The following MYCBP2 variants were observed in gnomAD, a reference collection of about 807,000 sequenced individuals.
MYCBP2 encodes the protein MYC binding protein 2, also known as E3 ubiquitin-protein ligase MYCBP2.
A neutral mutation model predicts 525.3 loss-of-function variants in MYCBP2; 120 were observed. The observed-to-expected ratio is 0.23, with a 90% CI of 0.20 to 0.27. The LOEUF is 0.27. MYCBP2 is among the 10% of genes least tolerant of loss of function. The pLI is 1.00. For missense variants in MYCBP2, 4,149 were observed against 5,657.1 expected (o/e 0.73, Z 8.55); for synonymous variants, 1,894 against 1,955.8 (o/e 0.97, Z 0.83).
intron 20 of MYCBP2, among the ~76,000 whole-genome samples, chr13:77,221,516 G>A (rs1484167310): frequency 6.6e-6 from 1 of 152,030 alleles, no homozygotes; most frequent in Non-Finnish European, 1.5e-5. Flanking sequence ...CTATAACATG[G>A]CCATGCTTTT....
intron 4 of MYCBP2, among the ~76,000 whole-genome samples, chr13:77,275,560 G>T (rs2075443462): frequency 6.6e-6 from 1 of 152,164 alleles, no homozygotes; most frequent in African/African-American, 2.4e-5. Context: ...GCAGCAGTGT[G>T]TACCTATAGT....
At chr13:77,056,242 T>C (rs1257864467) in intron 79 of MYCBP2, among the ~76,000 whole-genome samples, 1 of 151,708 alleles carries the variant, frequency 6.6e-6, no homozygotes, top group African/African-American at 2.4e-5. Flanking sequence ...ATGTATCTAT[T>C]AATATTTGTA....
At chr13:77,114,297 T>G (rs978558686) in intron 55 of MYCBP2, among the ~76,000 whole-genome samples, 1 of 152,098 alleles carries the variant, frequency 6.6e-6, no homozygotes, top group Non-Finnish European at 1.5e-5. Context: ...TTTTTCTATA[T>G]TTTCCTCAAA....
chr13:77,045,360 A>T lies in MYCBP2; in HGVS notation c.*18T>A. ...ATGAAGGCAATTTTTCTCTCTGTAGACAAAGGATCTGCGTGTTCTAAAAAG... is the reference window on the plus strand; with the variant it reads ...ATGAAGGCAATTTTTCTCTCTGTAGTCAAAGGATCTGCGTGTTCTAAAAAG... On this transcript the variant is annotated 3_prime_UTR_variant, in exon 83 of 83. Coordinates refer to ENST00000544440, the MANE Select transcript of MYCBP2 (RefSeq NM_015057.5). 1 of 1,590,124 alleles carries T rather than the reference A, an allele frequency of 6.3e-7. No homozygotes were observed. The highest frequency in any genetic ancestry group is 8.6e-7 in the Non-Finnish European group (1 of 1,160,008).
rs539303161 is a variant in MYCBP2, at chr13:77,195,166, G to C, written c.3844-922C>G. Among the ~76,000 whole-genome samples the C allele has an allele frequency of 2.0e-5, 3 of 152,226 alleles. 1 individual carries two copies. The highest frequency in any genetic ancestry group is 7.2e-5 in the African/African-American group (3 of 41,538). ...CTAAATTTTTAAATTATATGCTAAT[G>C]ACTTAGAAATCTTTCTCCAGCTCAG... is the stretch of plus-strand genomic sequence containing the variant. On this transcript the variant is annotated intron_variant, in intron 26 of 82. Transcript: ENST00000544440.
In MYCBP2 at chr13:77,181,772, T is replaced by C; in HGVS notation, c.4870A>G (p.Ser1624Gly). The part of the protein sequence containing the change: ...VLLRSIVKQV[S>G]TENDSTLVHR... ...ACTAGTGTTGAGTCGTTCTCTGTAC[T>C]AACTTGTTTAACAATTGATCGTAGT... The change falls in exon 33 of 83, where the codon AGT becomes GGT. Residue 1624 changes from serine (S) to glycine (G), a missense_variant. Ser to Gly is a moderately conservative substitution (Grantham distance 56, BLOSUM62 0). Coordinates refer to ENST00000544440, the MANE Select transcript of MYCBP2 (RefSeq NM_015057.5). 1 of 1,614,172 alleles carries C rather than the reference T, an allele frequency of 6.2e-7. No individual in the cohort carries two copies. The highest frequency in any genetic ancestry group is 8.5e-7 in the Non-Finnish European group (1 of 1,180,004).
intron 1 of MYCBP2, among the ~76,000 whole-genome samples, chr13:77,298,704 G>C (rs2078454123): frequency 6.6e-6 from 1 of 152,140 alleles, no homozygotes; most frequent in African/African-American, 2.4e-5. Flanking sequence ...AGTTATCCTT[G>C]GGATTATTTT....
At chr13:77,262,953 A>C (rs1294510678) in intron 10 of MYCBP2, among the ~76,000 whole-genome samples, 1 of 152,076 alleles carries the variant, frequency 6.6e-6, no homozygotes, top group African/African-American at 2.4e-5. Flanking sequence ...ATGAGATAAC[A>C]GTCAAAAAAG....
At chr13:77,273,878 T>C (rs924227500) in intron 4 of MYCBP2, among the ~76,000 whole-genome samples, 4 of 152,176 alleles carry the variant, frequency 2.6e-5, no homozygotes, top group African/African-American at 9.6e-5. Flanking sequence ...TTCAACTCCT[T>C]ATTTTTCTTA....
chr13:77,297,972 T>C (rs1470859264), intron 1 of MYCBP2, among the ~76,000 whole-genome samples: 3 of 152,176 alleles, frequency 2.0e-5, no homozygotes, highest in African/African-American at 7.2e-5. Flanking sequence ...GGAACCTAAC[T>C]CAACTTTTAA....
rs760009204 is a variant in MYCBP2, at chr13:77,146,252, A to G, written c.7132-35T>C. The G allele has an allele frequency of 1.0e-5, 15 of 1,432,960 alleles. No homozygotes were observed. The South Asian group carries it at 2.0e-4, about 19-fold the overall frequency. 88.8% of individuals were successfully genotyped at this position (1,432,960 alleles called of 1,614,324 possible). ...AGAGACCAGTCTGAACAATCGTAAA[A>G]TCATTTAAAAACATTCTCAATTAAC... On this transcript the variant is annotated intron_variant, in intron 47 of 82. Transcript: ENST00000544440.
chr13:77,072,071 G>A (rs753813040), intron 68 of MYCBP2, among the ~76,000 whole-genome samples: 4 of 151,892 alleles, frequency 2.6e-5, no homozygotes, highest in Non-Finnish European at 4.4e-5. Flanking sequence ...GGTGGATCAC[G>A]AGGTCAGGAG....
chr13:77,052,301 C>T (rs1272182679), intron 80 of MYCBP2, among the ~76,000 whole-genome samples: 1 of 152,122 alleles, frequency 6.6e-6, no homozygotes, highest in African/African-American at 2.4e-5. Flanking sequence ...TGGGCTCAGG[C>T]GATCCGCCCA....
intron 55 of MYCBP2, among the ~76,000 whole-genome samples, chr13:77,103,798 G>C (rs2047437747): frequency 6.6e-6 from 1 of 151,988 alleles, no homozygotes; most frequent in African/African-American, 2.4e-5. Flanking sequence ...TGGACTCGGG[G>C]TGACACTGTG....
At chr13:77,209,765 C>T (rs1275819404) in intron 23 of MYCBP2, among the ~76,000 whole-genome samples, 1 of 152,200 alleles carries the variant, frequency 6.6e-6, no homozygotes, top group Non-Finnish European at 1.5e-5. Context: ...TCATAAAATG[C>T]CCAAATAAGA....
chr13:77,081,566 A>G lies in MYCBP2; in HGVS notation c.11279T>C (p.Leu3760Ser). The change falls in exon 65 of 83, where the codon TTG becomes TCG. Residue 3760 changes from leucine to serine, a missense_variant. Coordinates refer to ENST00000544440, the MANE Select transcript of MYCBP2 (RefSeq NM_015057.5). The surrounding 1 kb of genome is among the most constrained non-coding windows in gnomAD (Gnocchi z 4.6). ...TSSRPAMIGS[L>S]TDGSTETFWE... ...AAAGGTTTCTGTGGAGCCGTCTGTCAAACTGCCAATCATGGCAGGTCGGCT... is the reference window on the plus strand; with the variant it reads ...AAAGGTTTCTGTGGAGCCGTCTGTCGAACTGCCAATCATGGCAGGTCGGCT... The G allele has an allele frequency of 6.2e-7, 1 of 1,613,890 alleles. No homozygotes were observed. Among genetic ancestry groups the G allele is most frequent in the Non-Finnish European group, 8.5e-7 (1 of 1,179,904 alleles).
At chr13:77,180,047 G>T in intron 34 of MYCBP2, 80 bp downstream of exon 34, 2 of 1,225,092 alleles carry the variant, frequency 1.6e-6, no homozygotes, top group Non-Finnish European at 1.1e-6. Flanking sequence ...CTTCCACAAA[G>T]CCAAAATAGT....
intron 44 of MYCBP2, among the ~76,000 whole-genome samples, chr13:77,161,559 C>T (rs1030572918): frequency 2.0e-5 from 3 of 152,156 alleles, no homozygotes; most frequent in African/African-American, 7.2e-5. Context: ...AAATGTCTTT[C>T]CCCTTTCTCT....
At chr13:77,303,807 A>T (rs2079079655) in intron 1 of MYCBP2, among the ~76,000 whole-genome samples, 1 of 151,882 alleles carries the variant, frequency 6.6e-6, no homozygotes, top group Admixed American at 6.6e-5. Flanking sequence ...ATCTAGACTT[A>T]CAACTCAAGA....
Sources: gnomAD v4.1 joint callset for allele counts (sites outside exome capture counted in the v4.1 genomes callset) on GRCh38, gnomAD v4.1.1 for gene constraint, Gnocchi (gnomAD v3.1) non-coding constraint, MANE v1.5 for transcripts, NCBI Gene and HGNC (gene_info 2026-07-23, HGNC 2026-07-21) for gene names.